CTNNA3: variants seen among roughly 807,000 people sequenced by gnomAD.
CTNNA3 encodes catenin alpha 3.
Under a neutral mutation model 95.7 loss-of-function variants are expected in CTNNA3, and 76 were observed. That is an observed-to-expected ratio of 0.79 (90% CI 0.66 to 0.96). The LOEUF (loss-of-function observed/expected upper bound fraction) is 0.96, where lower values mean the gene tolerates loss of function less well. CTNNA3 is among the 40% of genes least tolerant of loss of function. The pLI is 0.00. For missense variants in CTNNA3, 1,191 were observed against 1,089.8 expected, an observed-to-expected ratio of 1.09 and a Z score of -1.31; for synonymous variants, 431 against 374.4, an observed-to-expected ratio of 1.15 and a Z score of -1.74.
rs1207479707 is a variant in CTNNA3 at position 66,893,364 on chromosome 10, A to C, written c.1048-117840T>G. ...CCAGAGAGAAGCTGTCTTAACAAGA[A>C]TGTTTAATTTTGGCCCTCTGAGTTC... On this transcript the variant is annotated intron_variant, in intron 7 of 17. Coordinates refer to ENST00000433211, the MANE Select transcript of CTNNA3 (RefSeq NM_013266.4). Among the ~76,000 whole-genome samples, 4 of 152,086 alleles carry C rather than the reference A, an allele frequency of 2.6e-5. No individual in the cohort carries two copies. In the East Asian group the frequency reaches 7.7e-4, roughly 29 times the overall value.
At chr10:67,390,066 A>C (rs1440123461) in intron 5 of CTNNA3, among the ~76,000 whole-genome samples, 1 of 152,210 alleles carries the variant, frequency 6.6e-6, no homozygotes, top group Non-Finnish European at 1.5e-5. Flanking sequence ...ATCAGAGCAG[A>C]ACGGAAGGAA....
At chr10:67,726,598 TTAC>T (rs1841227531) in intron 1 of CTNNA3, among the ~76,000 whole-genome samples, 1 of 36,298 alleles carries the variant, frequency 2.8e-5, no homozygotes, top group African/African-American at 1.0e-4. Flanking sequence ...TAATATTATA[TTAC>T]ATATTATATA....
intron 2 of CTNNA3, among the ~76,000 whole-genome samples, chr10:67,640,804 A>G (rs1042074723): frequency 2.0e-5 from 3 of 152,110 alleles, no homozygotes; most frequent in Admixed American, 6.6e-5. Flanking sequence ...CTAGCCATAT[A>G]TAGAAAGCTG....
chr10:66,634,386 AT>A (rs1183374716), intron 9 of CTNNA3, among the ~76,000 whole-genome samples: 2 of 152,160 alleles, frequency 1.3e-5, no homozygotes, highest in East Asian at 3.8e-4. Flanking sequence ...TAAAATGATG[AT>A]TCACAAAAAT....
chr10:66,156,316 TCAATGTAA>T, intron 13 of CTNNA3, among the ~76,000 whole-genome samples: 1 of 152,082 alleles, frequency 6.6e-6, no homozygotes, highest in South Asian at 2.1e-4. Context: ...CTTGACTCTA[TCAATGTAA>T]ATGTCCTGTG....
chr10:65,987,733 T>A (rs566840339), intron 16 of CTNNA3, among the ~76,000 whole-genome samples: 1 of 152,128 alleles, frequency 6.6e-6, no homozygotes, highest in Non-Finnish European at 1.5e-5. Flanking sequence ...GCTGCACTCC[T>A]ATGCTTACTG....
chr10:67,628,155 C>A (rs951751561), intron 2 of CTNNA3, among the ~76,000 whole-genome samples: 1 of 148,356 alleles, frequency 6.7e-6, no homozygotes, highest in Admixed American at 6.8e-5. Flanking sequence ...AAATAGTCTA[C>A]AAAACTAGAA....
chr10:66,586,026 C>T (rs1203032020), intron 10 of CTNNA3, among the ~76,000 whole-genome samples: 1 of 152,020 alleles, frequency 6.6e-6, no homozygotes, highest in East Asian at 1.9e-4. Context: ...GTGGCAAAGA[C>T]TGTATGAGTT....
intron 7 of CTNNA3, among the ~76,000 whole-genome samples, chr10:66,947,430 G>C (rs1327128684): frequency 2.6e-5 from 4 of 151,972 alleles, no homozygotes; most frequent in African/African-American, 9.7e-5. Context: ...GGGTCCATGG[G>C]GAAAGGGGAA....
intron 1 of CTNNA3, among the ~76,000 whole-genome samples, chr10:67,742,584 T>G (rs1170359214): frequency 6.6e-6 from 1 of 150,666 alleles, no homozygotes; most frequent in Non-Finnish European, 1.5e-5. Context: ...ACATCACAAT[T>G]AAAAGAGCTA....
chr10:66,737,948 C>T (rs374198001), intron 9 of CTNNA3, among the ~76,000 whole-genome samples: 3 of 152,144 alleles, frequency 2.0e-5, no homozygotes, highest in South Asian at 4.1e-4. Context: ...TGAGCCATCG[C>T]GCCCGGCCAA....
intron 15 of CTNNA3, among the ~76,000 whole-genome samples, chr10:66,054,809 TG>T (rs1408445758): frequency 1.3e-5 from 2 of 152,206 alleles, no homozygotes; most frequent in African/African-American, 4.8e-5. Context: ...CTCAGACCAA[TG>T]TCCTGAAGTT....
chr10:66,910,983 G>A (rs1425113950), intron 7 of CTNNA3, among the ~76,000 whole-genome samples: 1 of 152,172 alleles, frequency 6.6e-6, no homozygotes, highest in East Asian at 1.9e-4. Flanking sequence ...CCATTCCACT[G>A]AGGCCTAACC....
chr10:65,964,408 C>T (rs2077915535), intron 17 of CTNNA3, among the ~76,000 whole-genome samples: 1 of 152,116 alleles, frequency 6.6e-6, no homozygotes, highest in African/African-American at 2.4e-5. Context: ...TGCTCTTCCT[C>T]ATTTTATATA....
intron 15 of CTNNA3, among the ~76,000 whole-genome samples, chr10:66,015,277 T>G (rs1453745603): frequency 3.3e-5 from 5 of 152,144 alleles, no homozygotes; most frequent in African/African-American, 1.2e-4. Context: ...TAGACTAGTC[T>G]TTCTAGGCAT....
chr10:66,582,695 T>C (rs2132202650), intron 10 of CTNNA3, among the ~76,000 whole-genome samples: 1 of 151,894 alleles, frequency 6.6e-6, no homozygotes, highest in Admixed American at 6.6e-5. Context: ...GGGATAAAAG[T>C]CAGCATCCTT....
chr10:66,193,820 T>C (rs1378779902), intron 13 of CTNNA3, among the ~76,000 whole-genome samples: 1 of 152,160 alleles, frequency 6.6e-6, no homozygotes. Flanking sequence ...ATCCATCTCA[T>C]AGCTCTTGTG....
chr10:67,596,458 G>A (rs1842934382), intron 3 of CTNNA3, among the ~76,000 whole-genome samples: 2 of 152,102 alleles, frequency 1.3e-5, no homozygotes, highest in South Asian at 4.1e-4. Flanking sequence ...CAGGTCTAGT[G>A]GTAACAAATT....
At chr10:67,014,724 A>C (rs997161715) in intron 7 of CTNNA3, among the ~76,000 whole-genome samples, 1 of 152,068 alleles carries the variant, frequency 6.6e-6, no homozygotes, top group African/African-American at 2.4e-5. Context: ...AGTAATAAAG[A>C]GAAGTTTCAG....
Sources: gnomAD v4.1 joint callset for allele counts (sites outside exome capture counted in the v4.1 genomes callset) on GRCh38, gnomAD v4.1.1 for gene constraint, MANE v1.5 for transcripts, NCBI Gene and HGNC (gene_info 2026-07-23, HGNC 2026-07-21) for gene names.